The following AGAP1 variants were observed in gnomAD, a reference collection of about 807,000 sequenced individuals.
AGAP1 encodes arf-GAP with GTPase, ANK repeat and PH domain-containing protein 1.
A neutral mutation model predicts 105.3 loss-of-function variants in AGAP1; 29 were observed. The ratio of observed to expected loss-of-function variants is 0.28; its 90% confidence interval spans 0.21 to 0.38. The LOEUF (loss-of-function observed/expected upper bound fraction) is 0.38. Among genes scored for constraint, AGAP1 ranks in the 10% least tolerant of loss-of-function variants. The pLI is 1.00. For missense variants in AGAP1, 998 were observed against 1,165.1 expected (o/e 0.86, Z 2.09); for synonymous variants, 509 against 485.9 (o/e 1.05, Z -0.63).
chr2:236,071,120 C>CCA (rs2058483879), intron 16 of AGAP1, among the ~76,000 whole-genome samples: 1 of 152,262 alleles, frequency 6.6e-6, no homozygotes, highest in African/African-American at 2.4e-5. Flanking sequence ...ATGGGAACCA[C>CCA]CTGCCCAGTC....
chr2:235,807,664 C>T (rs144967300), intron 9 of AGAP1, among the ~76,000 whole-genome samples: 6 of 152,308 alleles, frequency 3.9e-5, no homozygotes, highest in Admixed American at 3.9e-4. Flanking sequence ...TAACTCAGAT[C>T]GCCTACAAGA....
rs1311330041 is a variant in AGAP1 at position 235,655,124 on chromosome 2, A to G, written c.164-54055A>G. On this transcript the variant is annotated intron_variant, in intron 1 of 17. Coordinates refer to ENST00000304032, the MANE Select transcript of AGAP1 (RefSeq NM_001037131.3). The surrounding 1 kb of genome is among the most constrained non-coding windows in gnomAD (Gnocchi z 4.3). ...ACAGAAACCTTTGTGCATTTGACAC[A>G]AGGTCAGCATAGATTTAACAGGAGA... is the stretch of plus-strand genomic sequence containing the variant. Among the ~76,000 whole-genome samples, 1 of 151,820 alleles carries G rather than the reference A, an allele frequency of 6.6e-6. No homozygotes were observed. Among genetic ancestry groups the G allele is most frequent in the Non-Finnish European group, 1.5e-5 (1 of 68,006 alleles).
chr2:235,986,532 G>T (rs767083927), intron 13 of AGAP1, among the ~76,000 whole-genome samples: 6 of 152,142 alleles, frequency 3.9e-5, no homozygotes, highest in Non-Finnish European at 7.4e-5. Context: ...GTGAGAGAGA[G>T]CATCCTTGTC....
At position 236,087,853 on chromosome 2, in the gene AGAP1, C is replaced by G. The variant is rs2058971250; in HGVS notation, c.2115-32339C>G. Among the ~76,000 whole-genome samples, 1 of 152,146 alleles carries G rather than the reference C, an allele frequency of 6.6e-6. No individual in the cohort carries two copies. Among genetic ancestry groups the G allele is most frequent in the South Asian group, 2.1e-4 (1 of 4,822 alleles). On this transcript the variant is annotated intron_variant, in intron 16 of 17. Transcript: ENST00000304032. This position sits in a 1 kb window ranked among gnomAD's most constrained non-coding sequence, Gnocchi z 5.7. ...GGAGGAATAGACCAGAGGTCTTTGCCAGGAGGAGACGTTACAGCAGGTCCT... is the reference window on the plus strand; with the variant it reads ...GGAGGAATAGACCAGAGGTCTTTGCGAGGAGGAGACGTTACAGCAGGTCCT...
At chr2:236,077,032 T>C (rs1442259850) in intron 16 of AGAP1, among the ~76,000 whole-genome samples, 8 of 149,054 alleles carry the variant, frequency 5.4e-5, no homozygotes, top group African/African-American at 1.7e-4. Flanking sequence ...ATCGCTTGAG[T>C]CTGGGAGGAG....
rs188536011 is a variant in AGAP1 at position 235,953,978 on chromosome 2, C to G, written c.1484-14484C>G. On this transcript the variant is annotated intron_variant, in intron 12 of 17. Coordinates refer to ENST00000304032, the MANE Select transcript of AGAP1 (RefSeq NM_001037131.3). The surrounding 1 kb of genome is among the most constrained non-coding windows in gnomAD (Gnocchi z 5.2). ...GGCACAGTGGCTTATGCCTGTAATG[C>G]CAACATTTTGGGAGGCTGAGGCAGG... Among the ~76,000 whole-genome samples, 502 of 152,222 alleles carry G rather than the reference C, an allele frequency of 3.3e-3. No individual in the cohort carries two copies. Among genetic ancestry groups the G allele is most frequent in the African/African-American group, 0.011 (477 of 41,540 alleles).
intron 11 of AGAP1, among the ~76,000 whole-genome samples, chr2:235,918,034 C>T (rs1559645080): frequency 6.6e-6 from 1 of 152,220 alleles, no homozygotes; most frequent in Middle Eastern, 3.2e-3. Context: ...TATAATAACT[C>T]TGGAGTCCGG....
At position 235,855,970 on chromosome 2, in the gene AGAP1, A is replaced by G. The variant is rs936540001; in HGVS notation, c.1051-27375A>G. On this transcript the variant is annotated intron_variant, in intron 9 of 17. Transcript: ENST00000304032. The surrounding 1 kb of genome is among the most constrained non-coding windows in gnomAD (Gnocchi z 5.0). The stretch of plus-strand genomic sequence containing the variant: ...GCTCTGTCACCCAGGCTGGAGTGCA[A>G]TGGCATGATCTCGGCTCACTGCAAC... Among the ~76,000 whole-genome samples the G allele has an allele frequency of 6.6e-6, 1 of 151,888 alleles. No individual in the cohort carries two copies. The highest frequency in any genetic ancestry group is 1.9e-4 in the East Asian group (1 of 5,178).
At chr2:235,531,904 A>G (rs1943058364) in intron 1 of AGAP1, among the ~76,000 whole-genome samples, 2 of 151,944 alleles carry the variant, frequency 1.3e-5, no homozygotes, top group African/African-American at 4.8e-5. Flanking sequence ...GAACCCCTGC[A>G]CCCGGCCTAG....
rs2057675508 is a variant in AGAP1, at chr2:236,045,059, T to G, written c.1892-4000T>G. On this transcript the variant is annotated intron_variant, in intron 15 of 17. Coordinates refer to ENST00000304032, the MANE Select transcript of AGAP1 (RefSeq NM_001037131.3). The surrounding 1 kb of genome is among the most constrained non-coding windows in gnomAD (Gnocchi z 6.9). ...ACTCCTGAGCAGCTGTGACTACATG[T>G]GCGTGCCACCACGCCGACCTGATTT... 6.6e-6 allele frequency among the ~76,000 whole-genome samples: 1 copy of G among 152,138 alleles called. No homozygotes were observed. The highest frequency in any genetic ancestry group is 6.5e-5 in the Admixed American group (1 of 15,280).
In AGAP1 at chr2:235,989,512, G is replaced by T. The variant is rs143818113; in HGVS notation, c.1645+20889G>T. On this transcript the variant is annotated intron_variant, in intron 13 of 17. Transcript: ENST00000304032. The surrounding 1 kb of genome is among the most constrained non-coding windows in gnomAD (Gnocchi z 4.4). ...GAGGAGGGTTTGCCCTAGGGAGGCAGCCCCAGGCAGGGCCTGGGCACACTG... is the reference window on the plus strand; with the variant it reads ...GAGGAGGGTTTGCCCTAGGGAGGCATCCCCAGGCAGGGCCTGGGCACACTG... Among the ~76,000 whole-genome samples the T allele has an allele frequency of 6.6e-5, 10 of 152,296 alleles. No homozygotes were observed. Among genetic ancestry groups the T allele is most frequent in the African/African-American group, 2.2e-4 (9 of 41,574 alleles).
intron 1 of AGAP1, among the ~76,000 whole-genome samples, chr2:235,693,801 G>GA (rs1463565199): frequency 1.3e-5 from 2 of 152,200 alleles, no homozygotes; most frequent in East Asian, 1.9e-4. Flanking sequence ...TATTCCCACT[G>GA]AAAAAATCAG....
chr2:236,024,837 G>A (rs1313784234), intron 13 of AGAP1, among the ~76,000 whole-genome samples: 3 of 152,214 alleles, frequency 2.0e-5, no homozygotes, highest in Non-Finnish European at 2.9e-5. Flanking sequence ...TGGGCAGGTT[G>A]ATTTCGACAG....
At position 236,124,131 on chromosome 2, in the gene AGAP1, C is replaced by A. The variant is rs1174238812; in HGVS notation, c.*9C>A. 3 of 1,611,382 alleles carry A rather than the reference C, an allele frequency of 1.9e-6. No individual in the cohort carries two copies. The highest frequency in any genetic ancestry group is 2.5e-6 in the Non-Finnish European group (3 of 1,178,224). On this transcript the variant is annotated 3_prime_UTR_variant, in exon 18 of 18. Coordinates refer to ENST00000304032, the MANE Select transcript of AGAP1 (RefSeq NM_001037131.3). This position sits in a 1 kb window ranked among gnomAD's most constrained non-coding sequence, Gnocchi z 5.1. ...TGCCCACCATCATCTGAGGAACAGC[C>A]GTGCCCGCCTGCTCGCCGCACCTGG...
intron 1 of AGAP1, among the ~76,000 whole-genome samples, chr2:235,671,758 G>C (rs1475895013): frequency 6.6e-6 from 1 of 152,232 alleles, no homozygotes; most frequent in Non-Finnish European, 1.5e-5. Context: ...CCTGCAGCCT[G>C]TTCTGAAACC....
In AGAP1 at chr2:235,890,027, C is replaced by T. The variant is rs116626927; in HGVS notation, c.1155+6578C>T. Among the ~76,000 whole-genome samples, 214 of 152,272 alleles carry T rather than the reference C, an allele frequency of 1.4e-3. 2 individuals are homozygous for T. Among genetic ancestry groups the T allele is most frequent in the African/African-American group, 4.9e-3 (205 of 41,558 alleles). On this transcript the variant is annotated intron_variant, in intron 10 of 17. Coordinates refer to ENST00000304032, the MANE Select transcript of AGAP1 (RefSeq NM_001037131.3). ...CATCTCCCAGCCTCCTTCAGCTCTT[C>T]CCCAAAGGCTTAGGAGGTGTTAGCA...
chr2:236,078,316 A>G lies in AGAP1; in HGVS notation c.2114+29035A>G, dbSNP rs942623539. On this transcript the variant is annotated intron_variant, in intron 16 of 17. Transcript: ENST00000304032. The surrounding 1 kb of genome is among the most constrained non-coding windows in gnomAD (Gnocchi z 5.3). ...TTTTTGCTCTTTGGGCTCTCACCTG[A>G]TGGGATGAGGCCCACCTGCTTTCTC... is the stretch of plus-strand genomic sequence containing the variant. Among the ~76,000 whole-genome samples, 1 of 152,062 alleles carries G rather than the reference A, an allele frequency of 6.6e-6. No individual in the cohort carries two copies.
chr2:235,943,544 T>C (rs1370069881), intron 12 of AGAP1, among the ~76,000 whole-genome samples: 1 of 152,082 alleles, frequency 6.6e-6, no homozygotes, highest in Non-Finnish European at 1.5e-5. Context: ...GAGACGGGGT[T>C]TCGCCATGTT....
intron 16 of AGAP1, among the ~76,000 whole-genome samples, chr2:236,086,500 A>G (rs2058931319): frequency 6.6e-6 from 1 of 152,230 alleles, no homozygotes; most frequent in African/African-American, 2.4e-5. Flanking sequence ...ACTAAAAGAA[A>G]TACTGCCCAT....
Sources: allele counts gnomAD v4.1 joint callset (sites outside exome capture counted in the v4.1 genomes callset), GRCh38; gene constraint gnomAD v4.1.1; non-coding constraint Gnocchi (gnomAD v3.1); transcripts MANE v1.5; gene names NCBI Gene and HGNC (gene_info 2026-07-23, HGNC 2026-07-21).